The following MSRA variants were observed in gnomAD, a reference collection of about 807,000 sequenced individuals.
The protein encoded by MSRA is mitochondrial peptide methionine sulfoxide reductase.
In MSRA, 54 loss-of-function variants were observed where a neutral mutation model predicts 31.3. That is an observed-to-expected ratio of 1.73 (90% confidence interval 1.39 to 2.17). The LOEUF (loss-of-function observed/expected upper bound fraction) is 2.17, where lower values mean the gene tolerates loss of function less well. Among genes scored for constraint, MSRA ranks in the 30% most tolerant of loss-of-function variants. MSRA has a pLI of 0.00. For missense variants in MSRA, 507 were observed against 300.9 expected (o/e 1.69, Z -5.07); for synonymous variants, 169 against 116.5 (o/e 1.45, Z -2.90).
chr8:10,096,888 C>G (rs571715766), intron 1 of MSRA, among the ~76,000 whole-genome samples: 5 of 152,246 alleles, frequency 3.3e-5, no homozygotes, highest in African/African-American at 1.2e-4. Flanking sequence ...TAAGTTATGA[C>G]TTCCTATAAT....
At chr8:10,161,047 A>G (rs950624582) in intron 1 of MSRA, among the ~76,000 whole-genome samples, 2 of 152,222 alleles carry the variant, frequency 1.3e-5, no homozygotes, top group African/African-American at 4.8e-5. Context: ...TCCTCTTTTT[A>G]AAGCCACTAT....
chr8:10,365,142 C>CAAAAAAAAAAAAAAA (rs1171189760), intron 5 of MSRA, among the ~76,000 whole-genome samples: 1 of 61,282 alleles, frequency 1.6e-5, no homozygotes, highest in African/African-American at 5.6e-5. Context: ...GTGAAGCAAC[C>CAAAAAAAAAAAAAAA]AAAAAAAAAA....
chr8:10,288,270 T>A (rs545059384), intron 3 of MSRA, among the ~76,000 whole-genome samples: 1 of 152,190 alleles, frequency 6.6e-6, no homozygotes, highest in African/African-American at 2.4e-5. Flanking sequence ...ACCACAGATA[T>A]ACTATATACC....
intron 5 of MSRA, among the ~76,000 whole-genome samples, chr8:10,346,782 A>G (rs1253915376): frequency 6.6e-6 from 1 of 152,210 alleles, no homozygotes; most frequent in African/African-American, 2.4e-5. Flanking sequence ...GGAAACTGTC[A>G]GGGAAATTAA....
chr8:10,402,294 G>A (rs1395592046), intron 5 of MSRA, among the ~76,000 whole-genome samples: 1 of 152,222 alleles, frequency 6.6e-6, no homozygotes, highest in African/African-American at 2.4e-5. Context: ...TACCCCTGGA[G>A]GGACCCTGGC....
chr8:10,393,421 C>T lies in MSRA; in HGVS notation c.544-34727C>T, dbSNP rs933666278. 3.9e-5 allele frequency among the ~76,000 whole-genome samples: 6 copies of T among 152,156 alleles called. No homozygotes were observed. The East Asian group carries it at 9.6e-4, about 24-fold the overall frequency. On this transcript the variant is annotated intron_variant, in intron 5 of 5. Transcript: ENST00000317173. ...TTTTTTACTTTTAGGGAAAACGGGC[C>T]TATATTCTAGGCAATAAGGATGCCA...
intron 1 of MSRA, among the ~76,000 whole-genome samples, chr8:10,111,949 C>T (rs1307237523): frequency 3.9e-5 from 6 of 152,152 alleles, no homozygotes; most frequent in Non-Finnish European, 8.8e-5. Context: ...GCCGCTTCTT[C>T]CTGATGTTGG....
chr8:10,361,512 G>A (rs531729408), intron 5 of MSRA, among the ~76,000 whole-genome samples: 3 of 152,224 alleles, frequency 2.0e-5, no homozygotes, highest in South Asian at 2.1e-4. Flanking sequence ...AGACTCATAC[G>A]TCCTGGGTTT....
At chr8:10,315,542 T>C (rs1235800272) in intron 4 of MSRA, among the ~76,000 whole-genome samples, 1 of 152,252 alleles carries the variant, frequency 6.6e-6, no homozygotes, top group African/African-American at 2.4e-5. Context: ...TTATGTACTT[T>C]TCTGTAATTA....
intron 3 of MSRA, among the ~76,000 whole-genome samples, chr8:10,280,266 C>T (rs1224792408): frequency 6.6e-6 from 1 of 151,790 alleles, no homozygotes; most frequent in African/African-American, 2.4e-5. Flanking sequence ...AACTTTTGCC[C>T]CCCTCTTTTA....
chr8:10,078,907 TA>T (rs748322073), intron 1 of MSRA, among the ~76,000 whole-genome samples: 63 of 152,204 alleles, frequency 4.1e-4, no homozygotes, highest in Non-Finnish European at 7.5e-4. Flanking sequence ...GAATGGAAAA[TA>T]AATGGGGATC....
intron 1 of MSRA, among the ~76,000 whole-genome samples, chr8:10,190,059 C>A (rs1344135031): frequency 6.6e-6 from 1 of 152,050 alleles, no homozygotes; most frequent in East Asian, 1.9e-4. Flanking sequence ...ATACATCTTT[C>A]TGTGTAAGCT....
chr8:10,421,676 T>C (rs1808819149), intron 5 of MSRA, among the ~76,000 whole-genome samples: 1 of 152,198 alleles, frequency 6.6e-6, no homozygotes, highest in Admixed American at 6.5e-5. Context: ...TGGGACCTGC[T>C]GTGCCCGGCT....
At chr8:10,188,738 T>A (rs1241298222) in intron 1 of MSRA, among the ~76,000 whole-genome samples, 10 of 152,246 alleles carry the variant, frequency 6.6e-5, no homozygotes, top group Non-Finnish European at 1.2e-4. Context: ...TCCACTCATT[T>A]GTAGAACTTA....
At chr8:10,254,770 AT>A (rs1431720834) in intron 3 of MSRA, among the ~76,000 whole-genome samples, 1 of 152,234 alleles carries the variant, frequency 6.6e-6, no homozygotes, top group Non-Finnish European at 1.5e-5. Context: ...CAGCAAATGC[AT>A]TTTCACATGT....
chr8:10,217,276 G>T (rs991282365), intron 2 of MSRA, among the ~76,000 whole-genome samples: 2 of 152,232 alleles, frequency 1.3e-5, no homozygotes, highest in African/African-American at 4.8e-5. Flanking sequence ...TGGCACCCTA[G>T]GAGTGAGCGG....
chr8:10,402,905 T>C (rs1311367698), intron 5 of MSRA, among the ~76,000 whole-genome samples: 1 of 152,226 alleles, frequency 6.6e-6, no homozygotes, highest in East Asian at 1.9e-4. Flanking sequence ...TCCTGCTATT[T>C]GGAGGCATTT....
chr8:10,284,262 C>T (rs1050833070), intron 3 of MSRA, among the ~76,000 whole-genome samples: 3 of 152,128 alleles, frequency 2.0e-5, no homozygotes, highest in African/African-American at 4.8e-5. Context: ...AATCTCGGCT[C>T]ACTGCAACCT....
intron 1 of MSRA, 109 bp from the exon 2 acceptor site, chr8:10,207,724 G>C (rs1585170476): frequency 2.1e-6 from 2 of 949,276 alleles, no homozygotes; most frequent in East Asian, 5.3e-5. Flanking sequence ...AAGCTTGGGT[G>C]CATTTTTAAC....
Sources: gnomAD v4.1 joint callset for allele counts (sites outside exome capture counted in the v4.1 genomes callset) on GRCh38, gnomAD v4.1.1 for gene constraint, MANE v1.5 for transcripts, NCBI Gene and HGNC (gene_info 2026-07-23, HGNC 2026-07-21) for gene names.